DGCR2: variants seen among roughly 807,000 people sequenced by gnomAD.
DGCR2 encodes DiGeorge syndrome critical region gene 2.
Under a neutral mutation model 51.6 loss-of-function variants are expected in DGCR2, and 24 were observed. The observed-to-expected ratio is 0.47, with a 90% CI of 0.34 to 0.65. The LOEUF is 0.65. Among genes scored for constraint, DGCR2 ranks in the 30% least tolerant of loss-of-function variants. DGCR2 has a pLI of 0.01. For missense variants in DGCR2, 765 were observed against 772.1 expected (o/e 0.99, Z 0.11); for synonymous variants, 340 against 315.4 (o/e 1.08, Z -0.82).
chr22:19,110,098 T>C (rs2083298810), intron 1 of DGCR2, among the ~76,000 whole-genome samples: 1 of 152,226 alleles, frequency 6.6e-6, no homozygotes, highest in Non-Finnish European at 1.5e-5. Flanking sequence ...AAAGGAAACA[T>C]TTGCAGTCTG....
At chr22:19,077,102 A>C (rs550895956) in intron 2 of DGCR2, among the ~76,000 whole-genome samples, 2 of 152,212 alleles carry the variant, frequency 1.3e-5, no homozygotes, top group South Asian at 4.1e-4. Context: ...ATTAACCCTT[A>C]CCAGATATGA....
intron 7 of DGCR2, 27 bp from the exon 8 acceptor site, chr22:19,041,986 C>T (rs373675073): frequency 1.2e-5 from 19 of 1,605,626 alleles, no homozygotes; most frequent in Non-Finnish European, 1.4e-5. Context: ...GAAATGGCCG[C>T]TCTGAGAAGG....
In DGCR2 at chr22:19,112,999, T is replaced by C. The variant is rs987029765; in HGVS notation, c.79+9129A>G. 7.7e-5 allele frequency among the ~76,000 whole-genome samples: 11 copies of C among 143,136 alleles called. 3 individuals carry two copies. The highest frequency in any genetic ancestry group is 2.8e-4 in the Admixed American group (4 of 14,312). 93.9% of individuals were successfully genotyped at this position (143,136 alleles called of 152,430 possible). A position where few individuals can be genotyped will look rare whatever the true frequency, so the allele number is the denominator to read the frequency against. ...CTACTGATGCTGTTGGGAGCCAGGGTTCTCACTGTAGAAAAAGAGAGAAAC... is the reference window on the plus strand; with the variant it reads ...CTACTGATGCTGTTGGGAGCCAGGGCTCTCACTGTAGAAAAAGAGAGAAAC... On this transcript the variant is annotated intron_variant, in intron 1 of 9. Transcript: ENST00000263196.
chr22:19,090,404 C>T (rs551728659), intron 1 of DGCR2, among the ~76,000 whole-genome samples: 2 of 152,016 alleles, frequency 1.3e-5, no homozygotes, highest in South Asian at 2.1e-4. Context: ...TTAAAATCAG[C>T]GATAAAATCC....
intron 7 of DGCR2, among the ~76,000 whole-genome samples, chr22:19,044,059 A>C (rs1174355308): frequency 6.6e-6 from 1 of 152,190 alleles, no homozygotes; most frequent in Non-Finnish European, 1.5e-5. Context: ...ATCCCAGGGG[A>C]GCTCCTAAGA....
At chr22:19,106,652 C>T (rs2189490) in intron 1 of DGCR2, among the ~76,000 whole-genome samples, 74,912 of 151,940 alleles carry the variant, frequency 0.49, 19,625 homozygotes, top group African/African-American at 0.68. Context: ...AAGGAAGGCC[C>T]GAAGCTGTTC....
At chr22:19,080,866 T>C (rs1279079694) in intron 2 of DGCR2, among the ~76,000 whole-genome samples, 3 of 152,148 alleles carry the variant, frequency 2.0e-5, no homozygotes, top group African/African-American at 7.2e-5. Context: ...CATCTTATGG[T>C]AGCAGAAAGA....
intron 6 of DGCR2, among the ~76,000 whole-genome samples, chr22:19,056,704 T>G (rs565226202): frequency 1.3e-5 from 2 of 152,064 alleles, no homozygotes; most frequent in Non-Finnish European, 2.9e-5. Flanking sequence ...TCATTCCCAT[T>G]TACTCTCTTA....
At chr22:19,065,235 T>G in intron 3 of DGCR2, 168 bp from the exon 4 acceptor site, 2 of 608,350 alleles carry the variant, frequency 3.3e-6, no homozygotes, top group Non-Finnish European at 5.8e-6. Context: ...GCAGAAATGC[T>G]CAAGTTTCTC....
intron 3 of DGCR2, among the ~76,000 whole-genome samples, chr22:19,066,426 AAACAAAC>A (rs1339399099): frequency 5.4e-5 from 8 of 147,990 alleles, no homozygotes; most frequent in South Asian, 2.1e-4. Context: ...AACAAAAAAC[AAACAAAC>A]AAAAAAAAAC....
chr22:19,049,661 C>T (rs1212258221), intron 6 of DGCR2, among the ~76,000 whole-genome samples: 4 of 151,788 alleles, frequency 2.6e-5, no homozygotes, highest in Non-Finnish European at 5.9e-5. Context: ...ACCCTGTCTC[C>T]ACTAAAAATA....
intron 4 of DGCR2, among the ~76,000 whole-genome samples, chr22:19,064,494 G>GCCCACGAAGC (rs1032934413): frequency 6.6e-6 from 1 of 152,112 alleles, no homozygotes; most frequent in African/African-American, 2.4e-5. Flanking sequence ...CTTGCACAAG[G>GCCCACGAAGC]CCCACGAAGC....
chr22:19,085,642 C>T (rs1185155748), intron 2 of DGCR2, among the ~76,000 whole-genome samples: 2 of 152,228 alleles, frequency 1.3e-5, no homozygotes, highest in East Asian at 3.8e-4. Flanking sequence ...AATGCCCAGG[C>T]TGTACCTAGC....
chr22:19,104,383 AGGC>A (rs776539498), intron 1 of DGCR2, among the ~76,000 whole-genome samples: 26,912 of 152,078 alleles, frequency 0.18, 2,547 homozygotes, highest in South Asian at 0.29. Flanking sequence ...CCTTGTTTCA[AGGC>A]TGTCTCAAAC....
Position 19,057,281 on chromosome 22 carries a change from T to C in DGCR2, c.626-119A>G. On this transcript the variant is annotated intron_variant, in intron 5 of 9. Transcript: ENST00000263196. This position sits in a 1 kb window ranked among gnomAD's most constrained non-coding sequence, Gnocchi z 5.1. ...CAACCACAGGGCCTGGACCGCCAAG[T>C]ACTGGTGGTCACTGTGGCCAGGTGT... The C allele has an allele frequency of 1.8e-6, 2 of 1,122,764 alleles. No individual in the cohort carries two copies. Among genetic ancestry groups the C allele is most frequent in the Non-Finnish European group, 2.5e-6 (2 of 809,300 alleles). The allele number at this position is 1,122,764 out of a possible 1,614,324, so 69.6% of individuals were successfully genotyped here. A position where few individuals can be genotyped will look rare whatever the true frequency, so the allele number is the denominator to read the frequency against.
chr22:19,089,892 T>C (rs2083059661), intron 1 of DGCR2, among the ~76,000 whole-genome samples: 1 of 152,246 alleles, frequency 6.6e-6, no homozygotes, highest in African/African-American at 2.4e-5. Context: ...CCATCTGTTT[T>C]TAAAATCAGG....
chr22:19,054,808 T>C (rs1329477567), intron 6 of DGCR2, among the ~76,000 whole-genome samples: 3 of 150,456 alleles, frequency 2.0e-5, no homozygotes, highest in Non-Finnish European at 4.4e-5. Context: ...CCTCACTTCT[T>C]AAAAGAGTTT....
intron 2 of DGCR2, among the ~76,000 whole-genome samples, chr22:19,081,463 T>A (rs543397124): frequency 3.7e-4 from 56 of 152,372 alleles, no homozygotes; most frequent in African/African-American, 1.3e-3. Context: ...TCATCCATGT[T>A]GCTGCATAAA....
chr22:19,118,608 T>C (rs1601321512), intron 1 of DGCR2, among the ~76,000 whole-genome samples: 1 of 151,998 alleles, frequency 6.6e-6, no homozygotes, highest in Non-Finnish European at 1.5e-5. Context: ...GTACCAACAA[T>C]AGAAGGAAGA....
Sources: allele counts gnomAD v4.1 joint callset (sites outside exome capture counted in the v4.1 genomes callset), GRCh38; gene constraint gnomAD v4.1.1; non-coding constraint Gnocchi (gnomAD v3.1); transcripts MANE v1.5; gene names NCBI Gene and HGNC (gene_info 2026-07-23, HGNC 2026-07-21).